BANK1: variants seen among roughly 807,000 people sequenced by gnomAD.
BANK1 encodes B cell scaffold protein with ankyrin repeats 1, also known as B-cell scaffold protein with ankyrin repeats.
In BANK1, 95 loss-of-function variants were observed where a neutral mutation model predicts 94.5. That is an observed-to-expected ratio of 1.00 (90% CI 0.85 to 1.19). The LOEUF (loss-of-function observed/expected upper bound fraction) is 1.19, where lower values mean the gene tolerates loss of function less well. Among genes scored for constraint, BANK1 ranks in the 50% most tolerant of loss-of-function variants. BANK1 has a pLI of 0.00. For missense variants in BANK1, 987 were observed against 932.2 expected, an observed-to-expected ratio of 1.06 and a Z score of -0.77; for synonymous variants, 334 against 308.4, an observed-to-expected ratio of 1.08 and a Z score of -0.87.
chr4:102,059,083 T>A (rs991262092), intron 11 of BANK1, among the ~76,000 whole-genome samples: 4 of 152,188 alleles, frequency 2.6e-5, no homozygotes, highest in Admixed American at 2.0e-4. Flanking sequence ...GAACAATCAA[T>A]CCTAGTTATA....
At chr4:101,946,208 G>C (rs932487478) in intron 7 of BANK1, among the ~76,000 whole-genome samples, 2 of 151,900 alleles carry the variant, frequency 1.3e-5, no homozygotes, top group African/African-American at 4.8e-5. Flanking sequence ...AAGAAATGAA[G>C]TTTTATAATG....
Position 102,043,867 on chromosome 4 carries a change from A to G in BANK1, c.1929A>G (p.Gln643=). The G allele has an allele frequency of 3.1e-6, 5 of 1,603,888 alleles. No individual in the cohort carries two copies. The highest frequency in any genetic ancestry group is 4.3e-6 in the Non-Finnish European group (5 of 1,172,014). The change falls in exon 11 of 17, where the codon CAA becomes CAG. Residue 643 remains glutamine, a synonymous_variant. Coordinates refer to ENST00000322953, the MANE Select transcript of BANK1 (RefSeq NM_017935.5). ...QVFQQKTARR[Q]SDDDKFCGLP... is the part of the protein sequence containing the mutation. ...TTCAACAAAAGACAGCCAGAAGACA[A>G]TCTGATGATGACAAGTTCTGTGGTC... is the stretch of plus-strand genomic sequence containing the variant.
chr4:101,797,509 A>G (rs1210361446), intron 1 of BANK1, among the ~76,000 whole-genome samples: 1 of 152,218 alleles, frequency 6.6e-6, no homozygotes, highest in African/African-American at 2.4e-5. Context: ...TTAGTGAACA[A>G]TTAGGGGTTT....
chr4:101,855,801 A>T (rs999018929), intron 3 of BANK1, among the ~76,000 whole-genome samples: 1 of 152,226 alleles, frequency 6.6e-6, no homozygotes, highest in African/African-American at 2.4e-5. Context: ...TTAAGTGGAA[A>T]TACCATAAAA....
chr4:101,892,397 C>CT (rs1401479548), intron 5 of BANK1, among the ~76,000 whole-genome samples: 2 of 151,428 alleles, frequency 1.3e-5, no homozygotes, highest in Admixed American at 1.3e-4. Flanking sequence ...TGGGAGTAGT[C>CT]TAACACTTTC....
At chr4:102,012,057 T>C (rs1238382424) in intron 7 of BANK1, among the ~76,000 whole-genome samples, 1 of 152,216 alleles carries the variant, frequency 6.6e-6, no homozygotes, top group Non-Finnish European at 1.5e-5. Context: ...TTCTTTATTT[T>C]TTTAAATGAG....
intron 7 of BANK1, among the ~76,000 whole-genome samples, chr4:101,942,045 A>G (rs1723767692): frequency 6.6e-6 from 1 of 151,858 alleles, no homozygotes; most frequent in South Asian, 2.1e-4. Context: ...ATAGCTATTT[A>G]TATCAGGAGG....
intron 11 of BANK1, among the ~76,000 whole-genome samples, chr4:102,045,808 G>T (rs1418729225): frequency 2.6e-5 from 4 of 151,792 alleles, no homozygotes; most frequent in African/African-American, 7.3e-5. Flanking sequence ...CAAACAAATG[G>T]AAGAACATTT....
intron 5 of BANK1, among the ~76,000 whole-genome samples, chr4:101,880,831 T>C (rs1337519702): frequency 6.6e-6 from 1 of 152,052 alleles, no homozygotes; most frequent in Non-Finnish European, 1.5e-5. Context: ...GAAAAGACAC[T>C]CTGTTGAATG....
At chr4:102,016,019 C>G (rs1190363517) in intron 7 of BANK1, among the ~76,000 whole-genome samples, 1 of 152,206 alleles carries the variant, frequency 6.6e-6, no homozygotes, top group Non-Finnish European at 1.5e-5. Context: ...ACCAAACCAA[C>G]TAAAACCATC....
intron 7 of BANK1, among the ~76,000 whole-genome samples, chr4:101,940,861 A>G (rs953779006): frequency 1.3e-5 from 2 of 151,710 alleles, no homozygotes; most frequent in African/African-American, 4.8e-5. Context: ...TCTCCACTGT[A>G]AAGATATTCC....
intron 1 of BANK1, among the ~76,000 whole-genome samples, chr4:101,806,603 A>G (rs1725563571): frequency 6.6e-6 from 1 of 152,210 alleles, no homozygotes; most frequent in Admixed American, 6.5e-5. Context: ...ATTGATACTC[A>G]CATTAATTAT....
chr4:101,973,213 A>T (rs116668079), intron 7 of BANK1, among the ~76,000 whole-genome samples: 3,192 of 152,180 alleles, frequency 0.021, 124 homozygotes, highest in African/African-American at 0.074. Context: ...TAATTTAATT[A>T]TTCCACATTG....
chr4:101,984,148 C>T (rs1725410536), intron 7 of BANK1, among the ~76,000 whole-genome samples: 1 of 151,848 alleles, frequency 6.6e-6, no homozygotes, highest in Non-Finnish European at 1.5e-5. Context: ...TACTAAAATA[C>T]TATGTAAGGC....
At chr4:101,812,412 A>G (rs1209058178) in intron 1 of BANK1, among the ~76,000 whole-genome samples, 1 of 151,994 alleles carries the variant, frequency 6.6e-6, no homozygotes, top group Non-Finnish European at 1.5e-5. Context: ...CTAGGGAAAC[A>G]TTTAATATTT....
intron 5 of BANK1, among the ~76,000 whole-genome samples, chr4:101,870,914 A>G (rs1421144214): frequency 6.6e-6 from 1 of 152,066 alleles, no homozygotes; most frequent in African/African-American, 2.4e-5. Flanking sequence ...AGCTGTTACA[A>G]GCAGATAAAG....
In BANK1 at chr4:102,054,143, T is replaced by A. The variant is rs1316894777; in HGVS notation, c.1970-6068T>A. Among the ~76,000 whole-genome samples, 5 of 151,170 alleles carry A rather than the reference T, an allele frequency of 3.3e-5. No individual in the cohort carries two copies. In the South Asian group the frequency reaches 1.0e-3, roughly 31 times the overall value. ...AGTTCATTAAAACCTCAAAGATATC[T>A]TATGAGATATTATTTTCCTTTTTAA... On this transcript the variant is annotated intron_variant, in intron 11 of 16. Coordinates refer to ENST00000322953, the MANE Select transcript of BANK1 (RefSeq NM_017935.5).
intron 6 of BANK1, among the ~76,000 whole-genome samples, chr4:101,905,596 C>A (rs1210210463): frequency 6.6e-6 from 1 of 152,056 alleles, no homozygotes; most frequent in Non-Finnish European, 1.5e-5. Flanking sequence ...TTAGTATGAC[C>A]ATGCTTCCCA....
At position 101,975,882 on chromosome 4, in the gene BANK1, C is replaced by T. The variant is rs369324828; in HGVS notation, c.1207-45632C>T. ...AATGGAACCAGTGACTGATTATAAC[C>T]ACCAATAGTGTTTGATAACTTCCGT... On this transcript the variant is annotated intron_variant, in intron 7 of 16. Coordinates refer to ENST00000322953, the MANE Select transcript of BANK1 (RefSeq NM_017935.5). Among the ~76,000 whole-genome samples, 18 of 152,036 alleles carry T rather than the reference C, an allele frequency of 1.2e-4. No individual in the cohort carries two copies. In the East Asian group the frequency reaches 2.9e-3, roughly 24 times the overall value.
Sources: allele counts gnomAD v4.1 joint callset (sites outside exome capture counted in the v4.1 genomes callset), GRCh38; gene constraint gnomAD v4.1.1; transcripts MANE v1.5; gene names NCBI Gene and HGNC (gene_info 2026-07-23, HGNC 2026-07-21).